HAL: variants seen among roughly 807,000 people sequenced by gnomAD.
The protein encoded by HAL is histidase.
A neutral mutation model predicts 81.1 loss-of-function variants in HAL; 85 were observed. The ratio of observed to expected loss-of-function variants is 1.05; its 90% CI spans 0.88 to 1.25. The LOEUF is 1.25. HAL is among the 50% of genes most tolerant of loss of function. The probability of loss-of-function intolerance (pLI) is 0.00; values close to 1 mark genes in which losing one functional copy is unlikely to be tolerated. For synonymous variants in HAL, 301 were observed against 309.2 expected (o/e 0.97, Z 0.28); for missense variants, 798 against 836.6 (o/e 0.95, Z 0.57).
At position 95,980,688 on chromosome 12, in the gene HAL, G is replaced by A. The variant is rs748517649; in HGVS notation, c.1387C>T (p.Leu463Phe). 1 of 1,614,040 alleles carries A rather than the reference G, an allele frequency of 6.2e-7. No individual in the cohort carries two copies. The highest frequency in any genetic ancestry group is 8.5e-7 in the Non-Finnish European group (1 of 1,179,892). ...LDYLAIGIHE[L>F]AAISERRIER... is the part of the protein sequence containing the mutation. ...ATTCTTCTCTCACTGATTGCAGCAA[G>A]TTCATGGATGCCAATGGCCAAGTAG... Residue 463 changes from leucine to phenylalanine, a missense_variant, in exon 17 of 21, where the codon CTT becomes TTT. Physicochemically the swap from Leu to Phe is conservative, Grantham distance 22. Transcript: ENST00000261208.
chr12:95,981,007 A>T (rs935844731), intron 15 of HAL, 144 bp from the exon 16 acceptor site: 3 of 710,022 alleles, frequency 4.2e-6, no homozygotes, highest in Non-Finnish European at 7.7e-6. Flanking sequence ...CCTGCAAGAG[A>T]TATAAAGGGG....
chr12:95,973,823 T>TAAAAA lies in HAL; in HGVS notation c.*404_*408dup, dbSNP rs71307533. ...GGTGGAGAGCTTGTTGAAGCAAATT[T>TAAAAA]AAAAAAAAAAAAAAAGGTTAACAAA... is the stretch of plus-strand genomic sequence containing the variant. On this transcript the variant is annotated 3_prime_UTR_variant, in exon 21 of 21. Coordinates refer to ENST00000261208, the MANE Select transcript of HAL (RefSeq NM_002108.4). The TAAAAA allele has an allele frequency of 3.2e-4, 48 of 150,430 alleles. 1 individual carries two copies. Among genetic ancestry groups the TAAAAA allele is most frequent in the Admixed American group, 9.6e-4 (15 of 15,640 alleles). 9.3% of individuals were successfully genotyped at this position (150,430 alleles called of 1,614,324 possible). A position where few individuals can be genotyped will look rare whatever the true frequency, so the allele number is the denominator to read the frequency against.
At chr12:95,984,137 G>C (rs1949848363) in intron 14 of HAL, 146 bp from the exon 15 acceptor site, 2 of 515,436 alleles carry the variant, frequency 3.9e-6, no homozygotes, top group Non-Finnish European at 3.6e-6. Context: ...GAAATTATTT[G>C]AACTGAAGAT....
chr12:95,992,968 C>G (rs1181292177), intron 8 of HAL, among the ~76,000 whole-genome samples, 163 bp from the exon 9 acceptor site: 1 of 152,078 alleles, frequency 6.6e-6, no homozygotes, highest in Non-Finnish European at 1.5e-5. Context: ...GCCTGTCTGA[C>G]TTGTCTGAGC....
At chr12:95,988,745 A>G (rs1324364193) in intron 10 of HAL, among the ~76,000 whole-genome samples, 4 of 152,206 alleles carry the variant, frequency 2.6e-5, no homozygotes, top group Admixed American at 2.6e-4. Context: ...GTGAGCACCA[A>G]TGAAGAGGGG....
In HAL at chr12:95,995,754, AGT is replaced by A; in HGVS notation, c.155_156del (p.His52LeufsTer35). 1 of 1,613,662 alleles carries A rather than the reference AGT, an allele frequency of 6.2e-7. No homozygotes were observed. ...AGGCCCTTGCACCGGCGCACAAGGA[AGT>A]GCGCGTCATCCACGGAGGTGAAGCC... ...NGGFTSVDDAHFLVRRCKGLG... is the reference protein window; with the variant it reads ...NGGFTSVDDAXFLVRRCKGLG... On this transcript the variant is annotated frameshift_variant, in exon 2 of 21. Transcript: ENST00000261208. LOFTEE classifies it high-confidence loss of function.
At position 95,995,012 on chromosome 12, in the gene HAL, G is replaced by A. The variant is rs1161793452; in HGVS notation, c.248-19C>T. On this transcript the variant is annotated intron_variant, in intron 2 of 20. Coordinates refer to ENST00000261208, the MANE Select transcript of HAL (RefSeq NM_002108.4). ...TCTATAACTAAAACAATGCACGGGA[G>A]ACTCGTTACAGATCACATTGTACAG... 1 of 1,577,154 alleles carries A rather than the reference G, an allele frequency of 6.3e-7. No individual in the cohort carries two copies. Among genetic ancestry groups the A allele is most frequent in the East Asian group, 2.2e-5 (1 of 44,720 alleles).
rs999322211 is a variant in HAL, at chr12:95,980,436, G to A, written c.1519+120C>T. On this transcript the variant is annotated intron_variant, in intron 17 of 20. Coordinates refer to ENST00000261208, the MANE Select transcript of HAL (RefSeq NM_002108.4). ...ACCTTTGCACTGAGAGAACTAGGAT[G>A]CAGATAAAAGTGGTGAAAAGTTAGA... 7.9e-6 allele frequency: 7 copies of A among 889,892 alleles called. No homozygotes were observed. In the African/African-American group the frequency reaches 9.8e-5, roughly 12 times the overall value. 55.1% of individuals were successfully genotyped at this position (889,892 alleles called of 1,614,324 possible).
At chr12:95,982,711 A>G (rs1467706239) in intron 15 of HAL, among the ~76,000 whole-genome samples, 1 of 152,248 alleles carries the variant, frequency 6.6e-6, no homozygotes, top group Non-Finnish European at 1.5e-5. Context: ...AAGCCATCTC[A>G]TGGGAAACCT....
intron 15 of HAL, chr12:95,983,598 GT>G (rs1192464292): frequency 2.4e-6 from 1 of 415,482 alleles, no homozygotes; most frequent in East Asian, 4.9e-5. Context: ...TTGGCAGTGG[GT>G]TTTAGGGCCA....
chr12:95,983,950 GT>G lies in HAL; in HGVS notation c.1247del (p.Asn416ThrfsTer7), dbSNP rs772636164. ...CGCTGTTCAGTTCTGTGGTAATGAT[GT>G]TCTTCACAAATGCTATTGTATCATT... ...VVNDTIAFVK[N>X]IITTELNSAT... On this transcript the variant is annotated frameshift_variant, in exon 15 of 21. Coordinates refer to ENST00000261208, the MANE Select transcript of HAL (RefSeq NM_002108.4). LOFTEE classifies it high-confidence loss of function. 1.3e-6 allele frequency: 2 copies of G among 1,589,194 alleles called. No homozygotes were observed. Among genetic ancestry groups the G allele is most frequent in the Non-Finnish European group, 1.7e-6 (2 of 1,158,162 alleles).
chr12:95,980,265 A>G (rs1210561903), intron 17 of HAL, among the ~76,000 whole-genome samples: 1 of 152,262 alleles, frequency 6.6e-6, no homozygotes, highest in African/African-American at 2.4e-5. Context: ...AAAAAGCTAT[A>G]GAGATGAAGT....
At chr12:95,981,360 T>G (rs550156344) in intron 15 of HAL, among the ~76,000 whole-genome samples, 3 of 152,374 alleles carry the variant, frequency 2.0e-5, no homozygotes, top group African/African-American at 7.2e-5. Context: ...CTTTACTCAG[T>G]AATCTGGTGT....
chr12:95,993,302 C>A, intron 8 of HAL, 149 bp downstream of exon 8: 1 of 722,936 alleles, frequency 1.4e-6, no homozygotes, highest in Non-Finnish European at 2.6e-6. Flanking sequence ...CTGATTCTTT[C>A]TGCATCCCTT....
intron 17 of HAL, 119 bp from the exon 18 acceptor site, chr12:95,978,197 T>A: frequency 2.5e-6 from 2 of 805,146 alleles, no homozygotes; most frequent in Non-Finnish European, 4.2e-6. Flanking sequence ...ATCTTGGACA[T>A]TATCCAAGCA....
intron 11 of HAL, 94 bp from the exon 12 acceptor site, chr12:95,987,308 ATTAGCCAGTCAT>A: frequency 9.9e-7 from 1 of 1,009,232 alleles, no homozygotes; most frequent in Non-Finnish European, 1.6e-6. Context: ...TAAGAGAAAA[ATTAGCCAGTCAT>A]AAACATAAAA....
In HAL at chr12:95,974,386, A is replaced by G; in HGVS notation, c.1834-14T>C. On this transcript the variant is annotated splice_polypyrimidine_tract_variant and intron_variant, in intron 20 of 20. Transcript: ENST00000261208. ...TACTTCCCAAACCTGAAAAGCAAGG[A>G]CAAAACAAAGTTGAAATATTGACGA... is the stretch of plus-strand genomic sequence containing the variant. 6.2e-7 allele frequency: 1 copy of G among 1,612,534 alleles called. No homozygotes were observed. Among genetic ancestry groups the G allele is most frequent in the Non-Finnish European group, 8.5e-7 (1 of 1,178,576 alleles).
chr12:95,974,631 A>C (rs2080694380), intron 20 of HAL, among the ~76,000 whole-genome samples: 1 of 152,250 alleles, frequency 6.6e-6, no homozygotes, highest in Non-Finnish European at 1.5e-5. Flanking sequence ...TTTCCTAAGC[A>C]AAACAAGCAA....
intron 14 of HAL, 99 bp downstream of exon 14, chr12:95,985,809 T>C (rs920628891): frequency 1.3e-6 from 1 of 783,396 alleles, no homozygotes; most frequent in Non-Finnish European, 2.2e-6. Context: ...TACATGTTTT[T>C]CTAACACTTT....
Sources: allele counts gnomAD v4.1 joint callset (sites outside exome capture counted in the v4.1 genomes callset), GRCh38; gene constraint gnomAD v4.1.1; transcripts MANE v1.5; gene names NCBI Gene and HGNC (gene_info 2026-07-23, HGNC 2026-07-21).